Variants in CABLES1 observed in about 807,000 individuals in gnomAD.
CABLES1 encodes the protein CDK5 and ABL1 enzyme substrate 1.
In CABLES1, 36 loss-of-function variants were observed where a neutral mutation model predicts 57.8. That is an observed-to-expected ratio of 0.62 (90% CI 0.48 to 0.82). CABLES1 has a LOEUF of 0.82. Ranked by LOEUF, CABLES1 falls within the 40% of genes least tolerant of loss-of-function variation. The probability of loss-of-function intolerance (pLI) is 0.00; values close to 1 mark genes in which losing one functional copy is unlikely to be tolerated. For missense variants in CABLES1, 767 were observed against 836.6 expected (o/e 0.92, Z 1.03); for synonymous variants, 374 against 363.0 (o/e 1.03, Z -0.35).
chr18:23,246,655 T>C (rs903872839), intron 7 of CABLES1, among the ~76,000 whole-genome samples: 1 of 151,736 alleles, frequency 6.6e-6, no homozygotes, highest in African/African-American at 2.4e-5. Flanking sequence ...CCTCCCAAAG[T>C]GCTGGGATTA....
At chr18:23,240,463 C>T (rs560293613) in intron 7 of CABLES1, among the ~76,000 whole-genome samples, 3 of 152,362 alleles carry the variant, frequency 2.0e-5, no homozygotes, top group Admixed American at 2.0e-4. Context: ...CTGAAACAGG[C>T]CCTGGCTCCA....
intron 9 of CABLES1, among the ~76,000 whole-genome samples, chr18:23,255,349 G>C (rs1403120105): frequency 6.6e-6 from 1 of 152,114 alleles, no homozygotes; most frequent in Non-Finnish European, 1.5e-5. Flanking sequence ...GCTGTCTTCA[G>C]TGGCAAAGGC....
chr18:23,200,534 T>C (rs915313170), intron 3 of CABLES1, among the ~76,000 whole-genome samples: 1 of 152,196 alleles, frequency 6.6e-6, no homozygotes, highest in South Asian at 2.1e-4. Flanking sequence ...AGTGCTGGGA[T>C]TACAGGCGTG....
At chr18:23,217,708 C>T (rs897306460) in intron 4 of CABLES1, among the ~76,000 whole-genome samples, 14 of 152,166 alleles carry the variant, frequency 9.2e-5, no homozygotes, top group African/African-American at 1.4e-4. Context: ...AGTAAATATA[C>T]GAATAAATAT....
At chr18:23,159,216 T>C (rs1054949607) in intron 1 of CABLES1, among the ~76,000 whole-genome samples, 1 of 152,246 alleles carries the variant, frequency 6.6e-6, no homozygotes, top group Non-Finnish European at 1.5e-5. Context: ...CCACCCGCCT[T>C]GGCCTCCCAA....
At chr18:23,170,501 T>A (rs138475732) in intron 1 of CABLES1, among the ~76,000 whole-genome samples, 2 of 152,342 alleles carry the variant, frequency 1.3e-5, no homozygotes, top group East Asian at 3.9e-4. Flanking sequence ...TCCAGCAGCG[T>A]GTGCATGGGC....
intron 1 of CABLES1, among the ~76,000 whole-genome samples, chr18:23,149,522 T>C (rs1039031924): frequency 6.6e-6 from 1 of 152,164 alleles, no homozygotes; most frequent in Admixed American, 6.6e-5. Flanking sequence ...GCTCAAGCAG[T>C]GTACCCACCT....
At chr18:23,169,372 G>GAACC (rs1454717782) in intron 1 of CABLES1, among the ~76,000 whole-genome samples, 1 of 152,124 alleles carries the variant, frequency 6.6e-6, no homozygotes, top group Non-Finnish European at 1.5e-5. Flanking sequence ...CGAGATCCAA[G>GAACC]AACCCTCTGT....
chr18:23,188,735 C>A, intron 1 of CABLES1, 103 bp from the exon 2 acceptor site: 1 of 824,418 alleles, frequency 1.2e-6, no homozygotes, highest in Non-Finnish European at 2.1e-6. Flanking sequence ...CTTTTCTTAA[C>A]GGACTTCATG....
intron 4 of CABLES1, among the ~76,000 whole-genome samples, chr18:23,222,580 TATAG>T (rs1413011235): frequency 1.3e-5 from 2 of 148,474 alleles, no homozygotes; most frequent in African/African-American, 4.9e-5. Flanking sequence ...AGATTAGATA[TATAG>T]ATATATATAA....
At chr18:23,142,593 C>T (rs1268395971) in intron 1 of CABLES1, among the ~76,000 whole-genome samples, 1 of 152,208 alleles carries the variant, frequency 6.6e-6, no homozygotes, top group Non-Finnish European at 1.5e-5. Flanking sequence ...AAAAGGAAAT[C>T]TTGGTATTGA....
At chr18:23,213,367 A>C (rs979401754) in intron 3 of CABLES1, among the ~76,000 whole-genome samples, 7 of 151,930 alleles carry the variant, frequency 4.6e-5, no homozygotes, top group Non-Finnish European at 1.0e-4. Context: ...TTTTGTTTTA[A>C]TGTTTTTTTT....
At position 23,260,003 on chromosome 18, in the gene CABLES1, G is replaced by C. The variant is rs1191373492; in HGVS notation, c.*2636G>C. ...TCCTTTTCCCCCGGAGCCAGCCTAG[G>C]GGGCCCGGGACTCCTCTAGTGAGCC... On this transcript the variant is annotated 3_prime_UTR_variant, in exon 10 of 10. Coordinates refer to ENST00000256925, the MANE Select transcript of CABLES1 (RefSeq NM_001100619.3). 2 of 152,072 alleles carry C rather than the reference G, an allele frequency of 1.3e-5. No homozygotes were observed. The highest frequency in any genetic ancestry group is 2.9e-5 in the Non-Finnish European group (2 of 68,046). The allele number at this position is 152,072 out of a possible 1,614,324, so 9.4% of individuals were successfully genotyped here.
chr18:23,216,114 C>T (rs1160091146), intron 4 of CABLES1, among the ~76,000 whole-genome samples: 1 of 152,208 alleles, frequency 6.6e-6, no homozygotes, highest in African/African-American at 2.4e-5. Context: ...ATCTTCCTGG[C>T]TGAAGACTCA....
Position 23,257,611 on chromosome 18 carries a change from C to A in CABLES1, c.*244C>A, listed in dbSNP as rs2145149126. 2.4e-6 allele frequency: 1 copy of A among 414,328 alleles called. No homozygotes were observed. The highest frequency in any genetic ancestry group is 5.3e-5 in the South Asian group (1 of 18,850). 25.7% of individuals were successfully genotyped at this position (414,328 alleles called of 1,614,324 possible). On this transcript the variant is annotated 3_prime_UTR_variant, in exon 10 of 10. Coordinates refer to ENST00000256925, the MANE Select transcript of CABLES1 (RefSeq NM_001100619.3). ...GGTGTGTGCTGAGAACAGAGAGGCC[C>A]TGCCCTCTGTCCACTAGCGAGAATC...
chr18:23,244,406 A>G (rs2047822996), intron 7 of CABLES1, among the ~76,000 whole-genome samples: 1 of 152,206 alleles, frequency 6.6e-6, no homozygotes, highest in African/African-American at 2.4e-5. Context: ...GGTATTTTGA[A>G]TTCGATGGGT....
intron 1 of CABLES1, among the ~76,000 whole-genome samples, chr18:23,148,360 T>G (rs1040703246): frequency 6.6e-6 from 1 of 152,068 alleles, no homozygotes; most frequent in Non-Finnish European, 1.5e-5. Context: ...GTGGCCATGA[T>G]GTGGAGTTGA....
intron 7 of CABLES1, 123 bp from the exon 8 acceptor site, chr18:23,252,837 C>T: frequency 1.6e-6 from 1 of 638,952 alleles, no homozygotes; most frequent in Non-Finnish European, 2.8e-6. Context: ...CTTGTTGTAG[C>T]TCCAATGCAA....
chr18:23,176,458 T>C (rs2047123893), intron 1 of CABLES1, among the ~76,000 whole-genome samples: 1 of 152,144 alleles, frequency 6.6e-6, no homozygotes, highest in Admixed American at 6.5e-5. Context: ...TAATAGGCCG[T>C]AAGACCCCAG....
Sources: allele counts gnomAD v4.1 joint callset (sites outside exome capture counted in the v4.1 genomes callset), GRCh38; gene constraint gnomAD v4.1.1; transcripts MANE v1.5; gene names NCBI Gene and HGNC (gene_info 2026-07-23, HGNC 2026-07-21).